Variants in NSUN6 observed in about 807,000 individuals in gnomAD.
NSUN6 encodes NOP2/Sun RNA methyltransferase 6.
NSUN6 carries 64 observed loss-of-function variants against 58.0 expected under a neutral mutation model. The ratio of observed to expected loss-of-function variants is 1.10; its 90% CI spans 0.90 to 1.36. NSUN6 has a LOEUF of 1.36. Among genes scored for constraint, NSUN6 ranks in the 40% most tolerant of loss-of-function variants. The pLI is 0.00. For missense variants in NSUN6, 701 were observed against 550.1 expected, an observed-to-expected ratio of 1.27 and a Z score of -2.74; for synonymous variants, 231 against 193.9, an observed-to-expected ratio of 1.19 and a Z score of -1.59.
chr10:18,613,905 TA>T (rs1419477530), intron 5 of NSUN6, among the ~76,000 whole-genome samples: 1 of 151,968 alleles, frequency 6.6e-6, no homozygotes, highest in Non-Finnish European at 1.5e-5. Flanking sequence ...CTAAGTAAAA[TA>T]AGAGCCTGGA....
At chr10:18,654,872 A>C (rs775795562), upstream of NSUN6, 10 of 173,668 alleles carry the variant, frequency 5.8e-5, no homozygotes, top group Non-Finnish European at 1.0e-4. Flanking sequence ...ACTCTGTCTC[A>C]AAAAATAAAA....
At chr10:18,640,407 G>A (rs1250868606) in intron 3 of NSUN6, among the ~76,000 whole-genome samples, 2 of 152,172 alleles carry the variant, frequency 1.3e-5, no homozygotes, top group East Asian at 3.9e-4. Context: ...TATCTTTAGG[G>A]AAACTAAATA....
At chr10:18,638,448 A>G (rs548197851) in intron 3 of NSUN6, among the ~76,000 whole-genome samples, 4 of 152,272 alleles carry the variant, frequency 2.6e-5, no homozygotes, top group Admixed American at 2.0e-4. Flanking sequence ...TCTCAAAACA[A>G]AACAAAACAA....
intron 8 of NSUN6, among the ~76,000 whole-genome samples, chr10:18,576,419 G>GTAGA (rs1564747375): frequency 6.6e-6 from 1 of 152,240 alleles, no homozygotes; most frequent in East Asian, 1.9e-4. Context: ...TACCCTCAAT[G>GTAGA]TAGAGCTTTT....
intron 3 of NSUN6, among the ~76,000 whole-genome samples, chr10:18,622,602 T>C (rs533944923): frequency 6.6e-5 from 10 of 152,210 alleles, no homozygotes; most frequent in African/African-American, 1.7e-4. Flanking sequence ...TAATTCCAGA[T>C]AGGAGGCTGA....
chr10:18,626,776 G>GA (rs5783617), intron 3 of NSUN6, among the ~76,000 whole-genome samples: 31,956 of 150,986 alleles, frequency 0.21, 3,680 homozygotes, highest in South Asian at 0.32. Context: ...CTGGGTGGGG[G>GA]AAAAAAAAAG....
chr10:18,619,677 C>G (rs2058532063), intron 3 of NSUN6, among the ~76,000 whole-genome samples: 1 of 152,172 alleles, frequency 6.6e-6, no homozygotes, highest in Non-Finnish European at 1.5e-5. Context: ...TTCATGTTAT[C>G]TAATTCACCA....
At chr10:18,605,849 A>G (rs2058029382) in intron 6 of NSUN6, among the ~76,000 whole-genome samples, 1 of 152,224 alleles carries the variant, frequency 6.6e-6, no homozygotes, top group African/African-American at 2.4e-5. Context: ...ATAAAAAAAT[A>G]CATTCAGTCT....
chr10:18,658,239 A>G (rs1009256998), upstream of NSUN6: 3 of 152,170 alleles, frequency 2.0e-5, no homozygotes, highest in Non-Finnish European at 2.9e-5. Context: ...GTAACGTTGG[A>G]GCATATTATC....
intron 7 of NSUN6, among the ~76,000 whole-genome samples, chr10:18,591,066 T>C (rs1343941144): frequency 6.6e-6 from 1 of 151,938 alleles, no homozygotes; most frequent in Non-Finnish European, 1.5e-5. Flanking sequence ...TCACCACTGA[T>C]CCCAAAGAAA....
Position 18,546,095 on chromosome 10 carries a change from T to C in NSUN6, c.1248A>G (p.Glu416=). 1 of 1,612,960 alleles carries C rather than the reference T, an allele frequency of 6.2e-7. No individual in the cohort carries two copies. Among genetic ancestry groups the C allele is most frequent in the Non-Finnish European group, 8.5e-7 (1 of 1,179,568 alleles). ...EGMRGAGLSC[E]QLKQLQRFDP... ...CAAATCGCTGCAGCTGTTTCAACTG[T>C]TCACATGAGAGCCCAGCTCCCCTCA... is the stretch of plus-strand genomic sequence containing the variant. Residue 416 remains glutamate (E), a synonymous_variant, in exon 11 of 11, where the codon GAA becomes GAG. Coordinates refer to ENST00000377304, the MANE Select transcript of NSUN6 (RefSeq NM_182543.5).
chr10:18,645,489 C>T (rs1380113013), intron 2 of NSUN6, among the ~76,000 whole-genome samples: 1 of 152,150 alleles, frequency 6.6e-6, no homozygotes, highest in Non-Finnish European at 1.5e-5. Flanking sequence ...TGAAACAATA[C>T]GTAGCATCCG....
At chr10:18,636,991 T>G (rs1260615707) in intron 3 of NSUN6, among the ~76,000 whole-genome samples, 2 of 144,306 alleles carry the variant, frequency 1.4e-5, no homozygotes, top group African/African-American at 5.1e-5. Flanking sequence ...AGATGGAGTT[T>G]CAGTCTTATC....
chr10:18,572,034 G>T (rs1360628552), intron 8 of NSUN6, among the ~76,000 whole-genome samples: 1 of 141,996 alleles, frequency 7.0e-6, no homozygotes, highest in Non-Finnish European at 1.5e-5. Context: ...ATTCTCCACT[G>T]CATTCCTTTC....
chr10:18,632,552 T>C (rs1348260232), intron 3 of NSUN6, among the ~76,000 whole-genome samples: 2 of 151,142 alleles, frequency 1.3e-5, no homozygotes, highest in East Asian at 3.9e-4. Flanking sequence ...CTCAAACACA[T>C]TTACAAGAAA....
intron 6 of NSUN6, among the ~76,000 whole-genome samples, chr10:18,604,677 A>C (rs1465247897): frequency 2.0e-5 from 3 of 151,946 alleles, no homozygotes; most frequent in Non-Finnish European, 4.4e-5. Flanking sequence ...TGAGCTCAGG[A>C]GTTCAAGACC....
chr10:18,558,297 G>A (rs372209514), intron 8 of NSUN6, among the ~76,000 whole-genome samples: 275 of 144,236 alleles, frequency 1.9e-3, no homozygotes, highest in African/African-American at 6.4e-3. Flanking sequence ...GGAAATGGAA[G>A]GGAGAATGGA....
chr10:18,655,588 G>A (rs2059768274), upstream of NSUN6, among the ~76,000 whole-genome samples: 1 of 152,140 alleles, frequency 6.6e-6, no homozygotes, highest in South Asian at 2.1e-4. Flanking sequence ...TCTATCTAAG[G>A]GAGGAGTGAA....
upstream of NSUN6, chr10:18,651,820 T>C (rs558069463): frequency 3.0e-5 from 30 of 985,402 alleles, no homozygotes; most frequent in African/African-American, 4.7e-4. Flanking sequence ...GTCAAAGATA[T>C]TTAGTTCCCG....
Sources: gnomAD v4.1 joint callset for allele counts (sites outside exome capture counted in the v4.1 genomes callset) on GRCh38, gnomAD v4.1.1 for gene constraint, MANE v1.5 for transcripts, NCBI Gene and HGNC (gene_info 2026-07-23, HGNC 2026-07-21) for gene names.